Variants in SBF2 observed in about 807,000 individuals in gnomAD.
The protein encoded by SBF2 is myotubularin-related protein 13.
SBF2 carries 112 observed loss-of-function variants against 225.2 expected under a neutral mutation model. The observed-to-expected ratio is 0.50, with a 90% CI of 0.43 to 0.58. SBF2 has a LOEUF of 0.58. SBF2 is among the 20% of genes least tolerant of loss of function. SBF2 has a pLI of 0.00. For synonymous variants in SBF2, 763 were observed against 773.3 expected (o/e 0.99, Z 0.22); for missense variants, 1,996 against 2,206.2 (o/e 0.90, Z 1.91).
chr11:9,941,455 C>T (rs1018850090), intron 16 of SBF2, among the ~76,000 whole-genome samples: 1 of 152,136 alleles, frequency 6.6e-6, no homozygotes, highest in Non-Finnish European at 1.5e-5. Context: ...AGAAGAGATA[C>T]AGAGGAATAC....
chr11:10,066,789 A>T (rs1233309992), intron 2 of SBF2, among the ~76,000 whole-genome samples: 1 of 152,198 alleles, frequency 6.6e-6, no homozygotes, highest in Non-Finnish European at 1.5e-5. Context: ...AGCAAAAAAA[A>T]GGAAGGAACC....
At chr11:10,150,514 T>C (rs1459866097) in intron 2 of SBF2, among the ~76,000 whole-genome samples, 1 of 152,292 alleles carries the variant, frequency 6.6e-6, no homozygotes, top group Non-Finnish European at 1.5e-5. Context: ...AATAATTTAA[T>C]ATTTAAATTT....
At chr11:9,942,573 C>T (rs1385101426) in intron 16 of SBF2, among the ~76,000 whole-genome samples, 1 of 152,140 alleles carries the variant, frequency 6.6e-6, no homozygotes, top group Non-Finnish European at 1.5e-5. Context: ...TAGGAAGATA[C>T]AGCATGGGGG....
At chr11:10,231,202 G>T (rs905553489) in intron 1 of SBF2, among the ~76,000 whole-genome samples, 1 of 152,070 alleles carries the variant, frequency 6.6e-6, no homozygotes, top group Non-Finnish European at 1.5e-5. Flanking sequence ...ATTCTAGTTA[G>T]CCATTCATCT....
chr11:10,197,548 G>A (rs1957423448), intron 1 of SBF2, among the ~76,000 whole-genome samples: 1 of 152,146 alleles, frequency 6.6e-6, no homozygotes, highest in South Asian at 2.1e-4. Flanking sequence ...GTCTTGCTTC[G>A]ATGCTGATGG....
At position 9,934,712 on chromosome 11, in the gene SBF2, T is replaced by C. The variant is rs990376474; in HGVS notation, c.1860+27245A>G. 2.0e-4 allele frequency among the ~76,000 whole-genome samples: 30 copies of C among 152,298 alleles called. No individual in the cohort carries two copies. The East Asian group carries it at 4.0e-3, about 21-fold the overall frequency. On this transcript the variant is annotated intron_variant, in intron 16 of 39. Coordinates refer to ENST00000256190, the MANE Select transcript of SBF2 (RefSeq NM_030962.4). ...CAGAACCAACAACAAAAAGACATGA[T>C]TATCTCAACAGATGCAGAAAAGGCC...
chr11:10,123,525 A>T (rs937293863), intron 2 of SBF2, among the ~76,000 whole-genome samples: 9 of 152,138 alleles, frequency 5.9e-5, no homozygotes, highest in African/African-American at 2.2e-4. Flanking sequence ...AATTCTTTTT[A>T]AAAATACAAA....
intron 3 of SBF2, among the ~76,000 whole-genome samples, chr11:10,037,228 C>T (rs543176985): frequency 5.3e-5 from 8 of 152,198 alleles, no homozygotes; most frequent in Non-Finnish European, 1.0e-4. Context: ...AGGAGAATCC[C>T]ATGTGGATAC....
chr11:9,926,304 T>C (rs1259227356), intron 16 of SBF2, among the ~76,000 whole-genome samples: 1 of 152,150 alleles, frequency 6.6e-6, no homozygotes, highest in Non-Finnish European at 1.5e-5. Flanking sequence ...AATTGAAGTT[T>C]AGCCTTAAGA....
intron 1 of SBF2, among the ~76,000 whole-genome samples, chr11:10,293,390 C>T (rs780576732): frequency 2.0e-5 from 3 of 152,222 alleles, no homozygotes; most frequent in Admixed American, 1.3e-4. Context: ...AGTTAAAAGA[C>T]AAGTCATGTC....
chr11:9,850,643 T>A (rs892939784), intron 21 of SBF2, among the ~76,000 whole-genome samples: 2 of 152,208 alleles, frequency 1.3e-5, no homozygotes, highest in Non-Finnish European at 2.9e-5. Context: ...TAAGCCAGAC[T>A]TCCCAGATAG....
intron 9 of SBF2, among the ~76,000 whole-genome samples, chr11:9,994,373 G>A (rs1230290925): frequency 6.6e-6 from 1 of 151,406 alleles, no homozygotes; most frequent in Admixed American, 6.6e-5. Context: ...TACTTGGGAG[G>A]CTGAGGCAGG....
chr11:9,781,690 C>T (rs1564846861), intron 38 of SBF2, 52 bp from the exon 39 acceptor site: 3 of 1,610,086 alleles, frequency 1.9e-6, no homozygotes, highest in Non-Finnish European at 2.5e-6. Flanking sequence ...GAGAAAATGC[C>T]ATGGCTTTTC....
rs759009170 is a variant in SBF2, at chr11:9,992,434, G to T, written c.1277C>A (p.Ser426Tyr). The T allele has an allele frequency of 2.4e-5, 39 of 1,612,436 alleles. No individual in the cohort carries two copies. In the East Asian group the frequency reaches 8.5e-4, roughly 35 times the overall value. Residue 426 changes from serine (S) to tyrosine (Y), a missense_variant, in exon 12 of 40, where the codon TCT becomes TAT. Coordinates refer to ENST00000256190, the MANE Select transcript of SBF2 (RefSeq NM_030962.4). ...CTATACCTCATCAAAGAGATCACAA[G>T]ATCTATAAGGAGGACCTCTTTCTGA... The part of the protein sequence containing the change: ...FVSERGPPYR[S>Y]CDLFDELVAF...
rs60485793 is a variant in SBF2, at chr11:10,094,528, A to ATTTTTTTTTTTTTTTTTTTTTTT, written c.142-51548_142-51547insAAAAAAAAAAAAAAAAAAAAAAA. Among the ~76,000 whole-genome samples, 2 of 107,286 alleles carry ATTTTTTTTTTTTTTTTTTTTTTT rather than the reference A, an allele frequency of 1.9e-5. 1 individual carries two copies. The highest frequency in any genetic ancestry group is 3.8e-5 in the Non-Finnish European group (2 of 53,264). 70.4% of individuals were successfully genotyped at this position (107,286 alleles called of 152,430 possible). ...TTTTCCCTACTACAAATACACACAG[A>ATTTTTTTTTTTTTTTTTTTTTTT]TTTTTTTTTTTTTTTTTTGAGACAG... is the stretch of plus-strand genomic sequence containing the variant. On this transcript the variant is annotated intron_variant, in intron 2 of 39. Transcript: ENST00000256190.
At chr11:10,277,274 T>C (rs117114186) in intron 1 of SBF2, among the ~76,000 whole-genome samples, 1 of 31,728 alleles carries the variant, frequency 3.2e-5, no homozygotes, top group African/African-American at 6.3e-5. Context: ...CAAAAAATCA[T>C]GCAAAGCTAT....
At chr11:10,079,485 TG>T (rs1177321713) in intron 2 of SBF2, among the ~76,000 whole-genome samples, 1 of 152,094 alleles carries the variant, frequency 6.6e-6, no homozygotes, top group Non-Finnish European at 1.5e-5. Flanking sequence ...CTAGACCAAA[TG>T]GAAGAAAGAA....
chr11:10,279,413 CAAA>C (rs775262387), intron 1 of SBF2, among the ~76,000 whole-genome samples: 3 of 114,472 alleles, frequency 2.6e-5, no homozygotes, highest in Non-Finnish European at 1.8e-5. Flanking sequence ...GACTCCATCT[CAAA>C]AAAAAAAAAA....
chr11:9,815,869 G>A (rs1854429753), intron 29 of SBF2, among the ~76,000 whole-genome samples: 1 of 152,196 alleles, frequency 6.6e-6, no homozygotes, highest in African/African-American at 2.4e-5. Context: ...GTGACTAAGT[G>A]GTTGCAGCAG....
Sources: allele counts gnomAD v4.1 joint callset (sites outside exome capture counted in the v4.1 genomes callset), GRCh38; gene constraint gnomAD v4.1.1; transcripts MANE v1.5; gene names NCBI Gene and HGNC (gene_info 2026-07-23, HGNC 2026-07-21).